IFTAP: variants seen among roughly 807,000 people sequenced by gnomAD.
IFTAP encodes the protein intraflagellar transport-associated protein.
Under a neutral mutation model 19.4 loss-of-function variants are expected in IFTAP, and 19 were observed. That is an observed-to-expected ratio of 0.98 (90% confidence interval 0.68 to 1.44). IFTAP has a LOEUF of 1.44. Among genes scored for constraint, IFTAP ranks in the 40% most tolerant of loss-of-function variants. IFTAP has a pLI of 0.00. For missense variants in IFTAP, 240 were observed against 253.6 expected, an observed-to-expected ratio of 0.95 and a Z score of 0.36; for synonymous variants, 85 against 83.5, an observed-to-expected ratio of 1.02 and a Z score of -0.10.
intron 5 of IFTAP, among the ~76,000 whole-genome samples, chr11:36,649,673 C>T (rs549127060): frequency 6.6e-6 from 1 of 152,094 alleles, no homozygotes; most frequent in South Asian, 2.1e-4. Flanking sequence ...CAAGTTGAGA[C>T]CCCATATATG....
chr11:36,607,966 C>A (rs113219704), intron 1 of IFTAP, among the ~76,000 whole-genome samples: 5 of 152,060 alleles, frequency 3.3e-5, no homozygotes, highest in African/African-American at 7.3e-5. Flanking sequence ...TTTATAGATA[C>A]GGGGAAACAG....
chr11:36,610,137 G>C lies in IFTAP; in HGVS notation c.34G>C (p.Asp12His). ...CCATATGTCAGGATTGGAAATAATG[G>C]ATGAAGATCAATTAATCAAAGACGT... The part of the protein sequence containing the change: ...SAHMSGLEIM[D>H]EDQLIKDVLD... The change falls in exon 2 of 6, where the codon GAT (aspartate) becomes CAT (histidine). Residue 12 changes from aspartate (D) to histidine (H), a missense_variant. Transcript: ENST00000334307. The C allele has an allele frequency of 6.2e-7, 1 of 1,612,928 alleles. No homozygotes were observed. Among genetic ancestry groups the C allele is most frequent in the Non-Finnish European group, 8.5e-7 (1 of 1,179,148 alleles).
chr11:36,620,448 AAC>A (rs1395346161), intron 2 of IFTAP, among the ~76,000 whole-genome samples: 2 of 152,036 alleles, frequency 1.3e-5, no homozygotes, highest in African/African-American at 4.8e-5. Flanking sequence ...CAAATTATGA[AAC>A]ACACAAAAAT....
intron 1 of IFTAP, among the ~76,000 whole-genome samples, chr11:36,598,755 G>A (rs373816127): frequency 9.9e-5 from 15 of 152,132 alleles, no homozygotes; most frequent in African/African-American, 3.4e-4. Context: ...TTCTTTGCCA[G>A]CTCTGCTATT....
chr11:36,622,121 T>G (rs1852318919), intron 2 of IFTAP, among the ~76,000 whole-genome samples: 1 of 148,854 alleles, frequency 6.7e-6, no homozygotes, highest in Admixed American at 6.8e-5. Context: ...CTCCTGGAGT[T>G]TCCTGATAAA....
chr11:36,594,933 T>C (rs1019596153), intron 1 of IFTAP: 2 of 151,682 alleles, frequency 1.3e-5, no homozygotes, highest in Admixed American at 1.3e-4. Flanking sequence ...GGGCGGGAGG[T>C]TGAAGGGGGC....
chr11:36,629,998 GCA>G (rs774297047), intron 2 of IFTAP, among the ~76,000 whole-genome samples: 11 of 151,144 alleles, frequency 7.3e-5, no homozygotes, highest in Non-Finnish European at 1.3e-4. Context: ...TTATTTCAAA[GCA>G]AGAAACATTA....
At chr11:36,643,185 C>G (rs995286387) in intron 4 of IFTAP, among the ~76,000 whole-genome samples, 3 of 152,288 alleles carry the variant, frequency 2.0e-5, no homozygotes, top group East Asian at 1.9e-4. Flanking sequence ...GCAAAAATCA[C>G]AAGCATTCTT....
chr11:36,656,858 A>AT (rs1235951008), intron 5 of IFTAP, among the ~76,000 whole-genome samples: 5 of 152,022 alleles, frequency 3.3e-5, no homozygotes, highest in African/African-American at 7.2e-5. Flanking sequence ...GGGGCATGGT[A>AT]TGGTGTCACT....
At chr11:36,653,719 C>T (rs1853842583) in intron 5 of IFTAP, among the ~76,000 whole-genome samples, 1 of 152,126 alleles carries the variant, frequency 6.6e-6, no homozygotes, top group Non-Finnish European at 1.5e-5. Context: ...CTTTGAATTA[C>T]TTATGTGTCT....
At chr11:36,649,592 A>C (rs1164308309) in intron 5 of IFTAP, among the ~76,000 whole-genome samples, 1 of 152,178 alleles carries the variant, frequency 6.6e-6, no homozygotes, top group Non-Finnish European at 1.5e-5. Context: ...AGAAATTGTT[A>C]CAAAGTGGTT....
At chr11:36,625,757 G>A (rs1218967404) in intron 2 of IFTAP, among the ~76,000 whole-genome samples, 1 of 152,126 alleles carries the variant, frequency 6.6e-6, no homozygotes, top group Non-Finnish European at 1.5e-5. Flanking sequence ...CTAGAAAGGG[G>A]GAAAACAACC....
In IFTAP at chr11:36,635,813, A is replaced by G. The variant is rs187658519; in HGVS notation, c.292-238A>G. Among the ~76,000 whole-genome samples, 609 of 152,348 alleles carry G rather than the reference A, an allele frequency of 4.0e-3. 3 individuals are homozygous for G. The highest frequency in any genetic ancestry group is 4.9e-3 in the Non-Finnish European group (334 of 68,024). On this transcript the variant is annotated intron_variant, in intron 3 of 5. Coordinates refer to ENST00000334307, the MANE Select transcript of IFTAP (RefSeq NM_138787.4). ...AGACTGCTTTTTTCCCTTTCAGTGCAGAGGCCTGACTATGGTGCCTACAAA... is the reference window on the plus strand; with the variant it reads ...AGACTGCTTTTTTCCCTTTCAGTGCGGAGGCCTGACTATGGTGCCTACAAA...
At chr11:36,598,231 G>A (rs1454759997) in intron 1 of IFTAP, 1 of 152,046 alleles carries the variant, frequency 6.6e-6, no homozygotes, top group Non-Finnish European at 1.5e-5. Context: ...TGACTGTAAA[G>A]AGAGTGTGTA....
chr11:36,620,268 G>A (rs1852244386), intron 2 of IFTAP, among the ~76,000 whole-genome samples: 1 of 151,904 alleles, frequency 6.6e-6, no homozygotes, highest in South Asian at 2.1e-4. Flanking sequence ...AAAAAATATT[G>A]AATGAAGTGA....
At chr11:36,637,566 A>G (rs1275384226) in intron 4 of IFTAP, among the ~76,000 whole-genome samples, 1 of 152,082 alleles carries the variant, frequency 6.6e-6, no homozygotes, top group African/African-American at 2.4e-5. Flanking sequence ...GAACCTTGTT[A>G]AAAATGCAGA....
intron 2 of IFTAP, among the ~76,000 whole-genome samples, chr11:36,619,188 ATTTCTGGACTGAT>A (rs1852208069): frequency 6.6e-6 from 1 of 151,792 alleles, no homozygotes; most frequent in South Asian, 2.1e-4. Flanking sequence ...TTTGGTTTAC[ATTTCTGGACTGAT>A]AAATTTTGAG....
At chr11:36,614,886 G>A (rs1245102601) in intron 2 of IFTAP, among the ~76,000 whole-genome samples, 1 of 147,394 alleles carries the variant, frequency 6.8e-6, no homozygotes, top group Non-Finnish European at 1.5e-5. Flanking sequence ...TCACTCTGAT[G>A]GTAGTTTCTT....
intron 1 of IFTAP, among the ~76,000 whole-genome samples, chr11:36,600,498 C>T (rs957309490): frequency 6.6e-6 from 1 of 152,168 alleles, no homozygotes; most frequent in Non-Finnish European, 1.5e-5. Flanking sequence ...GAATCGAATG[C>T]CTGATGATCT....
Sources: gnomAD v4.1 joint callset for allele counts (sites outside exome capture counted in the v4.1 genomes callset) on GRCh38, gnomAD v4.1.1 for gene constraint, MANE v1.5 for transcripts, NCBI Gene and HGNC (gene_info 2026-07-23, HGNC 2026-07-21) for gene names.